Variants in USP32 observed in about 807,000 individuals in gnomAD.
The protein encoded by USP32 is ubiquitin specific peptidase 32, also known as ubiquitin carboxyl-terminal hydrolase 32.
In USP32, 59 loss-of-function variants were observed where a neutral mutation model predicts 204.8. That is an observed-to-expected ratio of 0.29 (90% CI 0.23 to 0.36). The LOEUF (loss-of-function observed/expected upper bound fraction) is 0.36, where lower values mean the gene tolerates loss of function less well. Among genes scored for constraint, USP32 ranks in the 10% least tolerant of loss-of-function variants. The pLI is 1.00. For synonymous variants in USP32, 517 were observed against 678.4 expected (o/e 0.76, Z 3.70); for missense variants, 1,160 against 1,946.4 (o/e 0.60, Z 7.60).
At chr17:60,231,184 G>A (rs1428014823) in intron 12 of USP32, among the ~76,000 whole-genome samples, 1 of 152,082 alleles carries the variant, frequency 6.6e-6, no homozygotes, top group East Asian at 1.9e-4. Flanking sequence ...TCTAAAATAT[G>A]GGTCAAGATT....
intron 16 of USP32, among the ~76,000 whole-genome samples, chr17:60,215,545 T>C (rs893689592): frequency 1.3e-5 from 2 of 151,804 alleles, no homozygotes; most frequent in South Asian, 2.1e-4. Flanking sequence ...ATCCCACAGA[T>C]AGATAATTGG....
chr17:60,345,300 C>T (rs1354456272), intron 2 of USP32, among the ~76,000 whole-genome samples, 181 bp downstream of exon 2: 1 of 152,182 alleles, frequency 6.6e-6, no homozygotes, highest in Non-Finnish European at 1.5e-5. Flanking sequence ...CTGTAGTACT[C>T]CCACTTGACC....
At chr17:60,234,571 C>CA (rs879431954) in intron 12 of USP32, among the ~76,000 whole-genome samples, 172 of 148,600 alleles carry the variant, frequency 1.2e-3, no homozygotes, top group Middle Eastern at 6.8e-3. Flanking sequence ...ACTAAAAATA[C>CA]AAAAAAAAAT....
rs189927791 is a variant in USP32, at chr17:60,300,801, G to A, written c.292+798C>T. ...TCCTATGTAATTCCAGAACATTTTC[G>A]CCAACCCAAAAGGAAACCCTGTACC... On this transcript the variant is annotated intron_variant, in intron 3 of 33. Transcript: ENST00000300896. Among the ~76,000 whole-genome samples the A allele has an allele frequency of 2.6e-5, 4 of 152,042 alleles. No individual in the cohort carries two copies. In the East Asian group the frequency reaches 7.7e-4, roughly 29 times the overall value.
chr17:60,255,343 G>A (rs2086272914), intron 9 of USP32, 85 bp from the exon 10 acceptor site: 8 of 1,085,722 alleles, frequency 7.4e-6, no homozygotes, highest in Non-Finnish European at 9.0e-6. Context: ...TGTTGCCTGG[G>A]CTGGAGTGCA....
intron 2 of USP32, among the ~76,000 whole-genome samples, chr17:60,320,670 T>A (rs1398985583): frequency 6.6e-6 from 1 of 152,160 alleles, no homozygotes; most frequent in African/African-American, 2.4e-5. Flanking sequence ...CAACACCGAA[T>A]GAGTGATGAG....
chr17:60,347,278 A>G (rs1003541727), intron 1 of USP32, among the ~76,000 whole-genome samples: 1 of 151,312 alleles, frequency 6.6e-6, no homozygotes, highest in African/African-American at 2.4e-5. Context: ...TCTGTCTCCC[A>G]GGTTCAAGCA....
Position 60,236,183 on chromosome 17 carries a change from G to A in USP32, c.1194C>T (p.Ile398=). ...YGLQAGHNWF[I]ISMQWWQQWK... is the part of the protein sequence containing the mutation. ...ACTGTTGCCACCACTGCATGGAGAT[G>A]ATAAACCAGTTGTGTCCTGCTTGCA... Residue 398 remains isoleucine, a synonymous_variant, in exon 12 of 34, where the codon ATC becomes ATT. Transcript: ENST00000300896. 6.2e-7 allele frequency: 1 copy of A among 1,613,968 alleles called. No individual in the cohort carries two copies. The highest frequency in any genetic ancestry group is 8.5e-7 in the Non-Finnish European group (1 of 1,179,890).
At chr17:60,278,190 T>C (rs886169301) in intron 5 of USP32, among the ~76,000 whole-genome samples, 4 of 152,124 alleles carry the variant, frequency 2.6e-5, no homozygotes, top group African/African-American at 9.7e-5. Context: ...AGGCATGAGC[T>C]ACTGCACCCA....
chr17:60,277,668 T>G (rs1236432735), intron 5 of USP32, among the ~76,000 whole-genome samples: 1 of 152,112 alleles, frequency 6.6e-6, no homozygotes, highest in Non-Finnish European at 1.5e-5. Context: ...AGAGAAACAA[T>G]CAAAATGAAT....
intron 2 of USP32, among the ~76,000 whole-genome samples, chr17:60,332,010 A>C (rs1371595310): frequency 6.6e-6 from 1 of 152,218 alleles, no homozygotes; most frequent in Non-Finnish European, 1.5e-5. Context: ...TGGGAGGCCA[A>C]GGTGGGAGGA....
intron 6 of USP32, 27 bp downstream of exon 6, chr17:60,271,323 A>C: frequency 6.2e-7 from 1 of 1,611,904 alleles, no homozygotes; most frequent in Non-Finnish European, 8.5e-7. Flanking sequence ...ACCAGTGAAC[A>C]TATGTAGAAA....
chr17:60,279,835 T>A (rs2086924900), intron 5 of USP32, among the ~76,000 whole-genome samples: 1 of 149,982 alleles, frequency 6.7e-6, no homozygotes, highest in South Asian at 2.1e-4. Context: ...AGAGCCTGTC[T>A]CAAATAATAA....
At chr17:60,258,885 AT>A (rs1211270283) in intron 9 of USP32, among the ~76,000 whole-genome samples, 1 of 152,150 alleles carries the variant, frequency 6.6e-6, no homozygotes, top group Admixed American at 6.5e-5. Context: ...AGGTGACCCT[AT>A]TTTTTGACCT....
intron 9 of USP32, among the ~76,000 whole-genome samples, chr17:60,259,975 G>A (rs1280575677): frequency 6.6e-6 from 1 of 152,104 alleles, no homozygotes; most frequent in East Asian, 1.9e-4. Context: ...AATTAGTTTT[G>A]TTCTATACCC....
At chr17:60,283,210 G>A (rs2087015168) in intron 5 of USP32, among the ~76,000 whole-genome samples, 1 of 152,182 alleles carries the variant, frequency 6.6e-6, no homozygotes, top group Non-Finnish European at 1.5e-5. Flanking sequence ...TGTATATAGT[G>A]TAGCTATAAT....
chr17:60,349,480 T>G (rs1013265935), intron 1 of USP32, among the ~76,000 whole-genome samples: 9 of 145,948 alleles, frequency 6.2e-5, no homozygotes, highest in Admixed American at 1.4e-4. Flanking sequence ...CTCAGGTGGC[T>G]GAGGCAGGAG....
intron 9 of USP32, among the ~76,000 whole-genome samples, chr17:60,262,617 C>A (rs1401487240): frequency 1.3e-5 from 2 of 152,112 alleles, no homozygotes; most frequent in East Asian, 3.9e-4. Context: ...GTATAAAGTT[C>A]AACTCCTGAG....
chr17:60,324,917 G>A (rs959264482), intron 2 of USP32, among the ~76,000 whole-genome samples: 1 of 152,030 alleles, frequency 6.6e-6, no homozygotes, highest in African/African-American at 2.4e-5. Flanking sequence ...GCAGGAAAAT[G>A]GCTTGAACCA....
Sources: gnomAD v4.1 joint callset for allele counts (sites outside exome capture counted in the v4.1 genomes callset) on GRCh38, gnomAD v4.1.1 for gene constraint, MANE v1.5 for transcripts, NCBI Gene and HGNC (gene_info 2026-07-23, HGNC 2026-07-21) for gene names.